Variants in FBN3 observed in about 807,000 individuals in gnomAD.
FBN3 encodes the protein fibrillin-3.
In FBN3, 234 loss-of-function variants were observed where a neutral mutation model predicts 330.1. The ratio of observed to expected loss-of-function variants is 0.71; its 90% CI spans 0.64 to 0.79. FBN3 has a LOEUF of 0.79. FBN3 is among the 30% of genes least tolerant of loss of function. The pLI is 0.00. For missense variants in FBN3, 3,606 were observed against 3,886.9 expected (o/e 0.93, Z 1.92); for synonymous variants, 1,458 against 1,517.3 (o/e 0.96, Z 0.91).
chr19:8,088,833 G>C (rs1036507741), intron 51 of FBN3, among the ~76,000 whole-genome samples: 8 of 152,148 alleles, frequency 5.3e-5, no homozygotes, highest in African/African-American at 1.9e-4. Context: ...ACAAGCAAGT[G>C]AATGAATGAG....
Position 8,096,187 on chromosome 19 carries a change from G to A in FBN3, c.5540-107C>T, listed in dbSNP as rs972932771. ...GCACTCCTCCCCTGCACCTAGCCCTGCCTAGATGACTGGGCAGTGACCCCT... is the reference window on the plus strand; with the variant it reads ...GCACTCCTCCCCTGCACCTAGCCCTACCTAGATGACTGGGCAGTGACCCCT... On this transcript the variant is annotated intron_variant, in intron 44 of 63. Transcript: ENST00000600128. This position sits in a 1 kb window ranked among gnomAD's most constrained non-coding sequence, Gnocchi z 4.6. 5 of 944,650 alleles carry A rather than the reference G, an allele frequency of 5.3e-6. No individual in the cohort carries two copies. In the African/African-American group the frequency reaches 6.4e-5, roughly 12 times the overall value. The allele number at this position is 944,650 out of a possible 1,614,324, so 58.5% of individuals were successfully genotyped here. A position where few individuals can be genotyped will look rare whatever the true frequency, so the allele number is the denominator to read the frequency against.
intron 63 of FBN3, 109 bp downstream of exon 63, chr19:8,071,939 C>T (rs537022343): frequency 7.1e-6 from 8 of 1,129,956 alleles, no homozygotes; most frequent in Admixed American, 7.0e-5. Flanking sequence ...GGATCTGGAG[C>T]CTGGTGCTCC....
At chr19:8,142,710 G>T (rs2083442470) in intron 6 of FBN3, among the ~76,000 whole-genome samples, 1 of 151,950 alleles carries the variant, frequency 6.6e-6, no homozygotes, top group Admixed American at 6.6e-5. Flanking sequence ...AAAGGAGTTA[G>T]CTCTCAAACA....
At position 8,149,129 on chromosome 19, in the gene FBN3, G is replaced by A. The variant is rs1281533496; in HGVS notation, c.-18+320C>T. On this transcript the variant is annotated intron_variant, in intron 1 of 63. Transcript: ENST00000600128. The surrounding 1 kb of genome is among the most constrained non-coding windows in gnomAD (Gnocchi z 5.5). ...GATACCAAGCTTCGCCGACGGGGAG[G>A]GGGCGCCCCCGGAGCCCGCGGGGCG... Among the ~76,000 whole-genome samples, 1 of 152,090 alleles carries A rather than the reference G, an allele frequency of 6.6e-6. No homozygotes were observed. Among genetic ancestry groups the A allele is most frequent in the Non-Finnish European group, 1.5e-5 (1 of 67,986 alleles).
intron 8 of FBN3, 111 bp downstream of exon 8, chr19:8,141,606 G>T: frequency 7.9e-7 from 1 of 1,268,108 alleles, no homozygotes. Flanking sequence ...GACAAGGTCA[G>T]AACTGGGCAC....
At position 8,117,224 on chromosome 19, in the gene FBN3, G is replaced by T. The variant is rs746314856; in HGVS notation, c.3531C>A (p.Tyr1177Ter). 2 of 1,613,968 alleles carry T rather than the reference G, an allele frequency of 1.2e-6. No homozygotes were observed. Among genetic ancestry groups the T allele is most frequent in the African/African-American group, 1.3e-5 (1 of 74,982 alleles). The part of the protein sequence containing the change: ...DVHCINTEGS[Y>*]RCSCGQGYSL... ...AGTAGCCCTGCCCACAGCTGCACCG[G>T]TAGCTGCCCTCAGTGTTAATACAGT... Residue 1177 changes from tyrosine (Y) to a stop codon, truncating the protein, a stop_gained, in exon 28 of 64, where the codon TAC becomes TAA. Transcript: ENST00000600128. LOFTEE classifies it high-confidence loss of function.
chr19:8,066,309 G>T, intron 63 of FBN3, 49 bp from the exon 64 acceptor site: 4 of 1,369,730 alleles, frequency 2.9e-6, no homozygotes, highest in Non-Finnish European at 3.9e-6. Context: ...GAATCGGGAT[G>T]TGGTGTGGGT....
At chr19:8,126,210 G>T in intron 21 of FBN3, 87 bp downstream of exon 21, 3 of 1,466,354 alleles carry the variant, frequency 2.0e-6, no homozygotes, top group Non-Finnish European at 2.8e-6. Context: ...CCAGGGCGGG[G>T]CCGGAGGTGG....
rs766838172 is a variant in FBN3 at position 8,075,141 on chromosome 19, G to A, written c.7632C>T (p.Asn2544=). 1.9e-6 allele frequency: 3 copies of A among 1,580,230 alleles called. No homozygotes were observed. The highest frequency in any genetic ancestry group is 2.2e-5 in the East Asian group (1 of 44,472). Reference sequence around the variant, plus strand: ...AGCTGCAGCGGTAGCCCCCTAGCTGGTTCTGACAGCCATGCTGGCAGCGGT... The same window carrying A: ...AGCTGCAGCGGTAGCCCCCTAGCTGATTCTGACAGCCATGCTGGCAGCGGT... ...GPHRCQHGCQ[N]QLGGYRCSCP... The change falls in exon 61 of 64, where the codon AAC becomes AAT. Residue 2544 remains asparagine, a synonymous_variant. Coordinates refer to ENST00000600128, the MANE Select transcript of FBN3 (RefSeq NM_032447.5).
intron 25 of FBN3, among the ~76,000 whole-genome samples, chr19:8,119,316 C>T (rs1180702899): frequency 1.3e-5 from 2 of 152,186 alleles, no homozygotes; most frequent in African/African-American, 2.4e-5. Flanking sequence ...CCACTCCCTG[C>T]AGGACACGCC....
intron 29 of FBN3, 27 bp downstream of exon 29, chr19:8,116,642 ACCCGC>A: frequency 6.5e-7 from 1 of 1,543,576 alleles, no homozygotes; most frequent in Non-Finnish European, 8.9e-7. Context: ...TGCCTCCTCC[ACCCGC>A]CCCGCCCCAC....
Position 8,116,803 on chromosome 19 carries a change from G to A in FBN3, c.3587-4C>T. 1.2e-6 allele frequency: 2 copies of A among 1,613,502 alleles called. No individual in the cohort carries two copies. Among genetic ancestry groups the A allele is most frequent in the South Asian group, 1.1e-5 (1 of 90,958 alleles). On this transcript the variant is annotated splice_region_variant and splice_polypyrimidine_tract_variant and intron_variant, in intron 28 of 63. Coordinates refer to ENST00000600128, the MANE Select transcript of FBN3 (RefSeq NM_032447.5). ...TTCTCTTCACACTCGTCCACGTCTG[G>A]GGGAGCAGGGTTGGGGACTGTGCTT... is the stretch of plus-strand genomic sequence containing the variant.
chr19:8,140,963 C>T (rs1482837512), intron 8 of FBN3, among the ~76,000 whole-genome samples: 3 of 151,790 alleles, frequency 2.0e-5, no homozygotes, highest in Admixed American at 1.3e-4. Context: ...GAGGCCGAGG[C>T]GGGCGGATCA....
intron 38 of FBN3, among the ~76,000 whole-genome samples, chr19:8,104,179 A>C (rs907113329): frequency 3.3e-5 from 5 of 151,736 alleles, no homozygotes; most frequent in Non-Finnish European, 5.9e-5. Context: ...AAAAAAAAAA[A>C]AAAACATTTA....
At chr19:8,147,220 C>T (rs1333775711) in intron 2 of FBN3, 34 bp from the exon 3 acceptor site, 11 of 1,558,166 alleles carry the variant, frequency 7.1e-6, no homozygotes, top group Non-Finnish European at 8.7e-6. Flanking sequence ...TGGTGAGCCC[C>T]TGCCCGTGTG....
chr19:8,106,047 G>C, intron 38 of FBN3, 61 bp downstream of exon 38: 1 of 1,597,658 alleles, frequency 6.3e-7, no homozygotes. Context: ...GGCTTGGCAG[G>C]GCAGGAAGGC....
chr19:8,079,561 C>T (rs575792134), intron 59 of FBN3, among the ~76,000 whole-genome samples: 1 of 151,740 alleles, frequency 6.6e-6, no homozygotes, highest in South Asian at 2.1e-4. Context: ...TCATGACACA[C>T]ATCACCTTTG....
chr19:8,135,936 G>GGGGGGGGGGGGGGGCGCCCCGGCCCC, intron 13 of FBN3, 25 bp downstream of exon 13: 1 of 668,778 alleles, frequency 1.5e-6, no homozygotes, highest in Non-Finnish European at 2.4e-6. Flanking sequence ...GGAAGCCCCT[G>GGGGGGGGGGGGGGGCGCCCCGGCCCC]CCCACCCGCC....
intron 3 of FBN3, among the ~76,000 whole-genome samples, chr19:8,146,659 T>C (rs1399778256): frequency 6.6e-6 from 1 of 151,426 alleles, no homozygotes; most frequent in Non-Finnish European, 1.5e-5. Flanking sequence ...ATCAGTTAGA[T>C]AGAGAGACAG....
Sources: allele counts gnomAD v4.1 joint callset (sites outside exome capture counted in the v4.1 genomes callset), GRCh38; gene constraint gnomAD v4.1.1; non-coding constraint Gnocchi (gnomAD v3.1); transcripts MANE v1.5; gene names NCBI Gene and HGNC (gene_info 2026-07-23, HGNC 2026-07-21).